The following AUTS2 variants were observed in gnomAD, a reference collection of about 807,000 sequenced individuals.
The protein encoded by AUTS2 is activator of transcription and developmental regulator AUTS2.
Under a neutral mutation model 112.4 loss-of-function variants are expected in AUTS2, and 17 were observed. The ratio of observed to expected loss-of-function variants is 0.15; its 90% CI spans 0.10 to 0.23. The LOEUF (loss-of-function observed/expected upper bound fraction) is 0.23, where lower values mean the gene tolerates loss of function less well. AUTS2 is among the 10% of genes least tolerant of loss of function. The pLI is 1.00. For missense variants in AUTS2, 1,510 were observed against 1,701.6 expected (o/e 0.89, Z 1.98); for synonymous variants, 751 against 702.7 (o/e 1.07, Z -1.09).
chr7:70,043,211 C>T (rs982967673), intron 2 of AUTS2, among the ~76,000 whole-genome samples: 2 of 152,052 alleles, frequency 1.3e-5, no homozygotes, highest in Non-Finnish European at 2.9e-5. Context: ...TAGCCAAGCT[C>T]GCCTCTTTGC....
At chr7:70,363,268 T>C (rs1427876403) in intron 4 of AUTS2, among the ~76,000 whole-genome samples, 1 of 152,180 alleles carries the variant, frequency 6.6e-6, no homozygotes, top group East Asian at 1.9e-4. Flanking sequence ...TAGATGACTA[T>C]TGGATTTCCT....
intron 2 of AUTS2, among the ~76,000 whole-genome samples, chr7:69,963,482 T>C (rs1226575375): frequency 1.3e-5 from 2 of 152,134 alleles, no homozygotes; most frequent in African/African-American, 4.8e-5. Context: ...TAATTAAGGC[T>C]CTATCATAGC....
At chr7:69,799,032 C>T (rs1000391685) in intron 1 of AUTS2, among the ~76,000 whole-genome samples, 2 of 151,622 alleles carry the variant, frequency 1.3e-5, no homozygotes, top group Non-Finnish European at 2.9e-5. Context: ...ATACACACCC[C>T]TCAATAAGGC....
intron 5 of AUTS2, among the ~76,000 whole-genome samples, chr7:70,461,095 C>T (rs1188059988): frequency 2.6e-5 from 4 of 152,126 alleles, no homozygotes; most frequent in African/African-American, 4.8e-5. Context: ...AGTTTGGTTT[C>T]ACGGAGGAAC....
chr7:70,659,864 A>G (rs893676145), intron 5 of AUTS2, among the ~76,000 whole-genome samples: 8 of 152,206 alleles, frequency 5.3e-5, no homozygotes, highest in African/African-American at 1.9e-4. Context: ...GGGCACATGC[A>G]GTCCCGGGCT....
intron 1 of AUTS2, among the ~76,000 whole-genome samples, chr7:69,815,137 C>T (rs1790701420): frequency 6.6e-6 from 1 of 152,136 alleles, no homozygotes; most frequent in African/African-American, 2.4e-5. Flanking sequence ...TGTGATAAGG[C>T]ATCAAAGACT....
chr7:69,892,330 C>T (rs1206307030), intron 1 of AUTS2, among the ~76,000 whole-genome samples: 1 of 151,750 alleles, frequency 6.6e-6, no homozygotes, highest in African/African-American at 2.4e-5. Flanking sequence ...TACCACCACA[C>T]CTAGCTAATT....
In AUTS2 at chr7:70,245,171, A is replaced by ATATAT. The variant is rs61292882; in HGVS notation, c.660+110600_660+110601insTATAT. Among the ~76,000 whole-genome samples, 934 of 129,446 alleles carry ATATAT rather than the reference A, an allele frequency of 7.2e-3. 4 individuals carry two copies. Among genetic ancestry groups the ATATAT allele is most frequent in the Middle Eastern group, 0.016 (4 of 256 alleles). The allele number at this position is 129,446 out of a possible 152,430, so 84.9% of individuals were successfully genotyped here. On this transcript the variant is annotated intron_variant, in intron 4 of 18. Transcript: ENST00000342771. Reference sequence around the variant, plus strand: ...ATATATATATATATATATATATATAAAAAATAAAAAATAAACAAAAATTAA... The same window carrying ATATAT: ...ATATATATATATATATATATATATAATATATAAAATAAAAAATAAACAAAAATTAA...
chr7:70,587,182 A>C (rs981044541), intron 5 of AUTS2, among the ~76,000 whole-genome samples: 9 of 152,002 alleles, frequency 5.9e-5, no homozygotes, highest in African/African-American at 2.2e-4. Flanking sequence ...GACTTGAGCA[A>C]CCCTCCCACC....
At chr7:69,729,663 T>G (rs1475526091) in intron 1 of AUTS2, among the ~76,000 whole-genome samples, 1 of 152,152 alleles carries the variant, frequency 6.6e-6, no homozygotes, top group Admixed American at 6.5e-5. Context: ...AAAGAACTTA[T>G]TTGTGCATAG....
At chr7:69,868,984 T>C (rs1364782903) in intron 1 of AUTS2, among the ~76,000 whole-genome samples, 1 of 152,300 alleles carries the variant, frequency 6.6e-6, no homozygotes, top group South Asian at 2.1e-4. Flanking sequence ...ATAATACACA[T>C]TGGGTCTTCT....
chr7:70,045,584 A>T (rs904949584), intron 2 of AUTS2, among the ~76,000 whole-genome samples: 1 of 150,796 alleles, frequency 6.6e-6, no homozygotes, highest in Non-Finnish European at 1.5e-5. Flanking sequence ...TGCAACTCAC[A>T]TTATTTTATT....
chr7:69,791,203 C>T (rs1789593196), intron 1 of AUTS2, among the ~76,000 whole-genome samples: 2 of 152,166 alleles, frequency 1.3e-5, no homozygotes, highest in South Asian at 2.1e-4. Context: ...TTTTTGTGTT[C>T]CCTCGACTGA....
chr7:70,739,003 CTTTTTTTTTTTTTTTTT>C (rs57525224), intron 6 of AUTS2, among the ~76,000 whole-genome samples: 9 of 57,308 alleles, frequency 1.6e-4, no homozygotes, highest in East Asian at 7.8e-4. Context: ...GTTTTGAGGC[CTTTTTTTTTTTTTTTTT>C]TTTTTTTTTT....
At chr7:70,658,331 C>A (rs938207138) in intron 5 of AUTS2, among the ~76,000 whole-genome samples, 7 of 152,172 alleles carry the variant, frequency 4.6e-5, no homozygotes, top group African/African-American at 1.7e-4. Context: ...AAGACCACTC[C>A]CCCCCAACAC....
intron 5 of AUTS2, among the ~76,000 whole-genome samples, chr7:70,455,444 C>T (rs1028063298): frequency 2.0e-4 from 30 of 152,050 alleles, no homozygotes; most frequent in African/African-American, 6.8e-4. Flanking sequence ...GTTAGCAAGC[C>T]AAATATGACC....
At chr7:70,558,361 T>C (rs1439555858) in intron 5 of AUTS2, among the ~76,000 whole-genome samples, 1 of 152,154 alleles carries the variant, frequency 6.6e-6, no homozygotes, top group Admixed American at 6.5e-5. Context: ...AGCTCTTCTC[T>C]CTCTCTGTGT....
chr7:69,734,875 T>C (rs575902468), intron 1 of AUTS2, among the ~76,000 whole-genome samples: 1 of 152,278 alleles, frequency 6.6e-6, no homozygotes, highest in South Asian at 2.1e-4. Flanking sequence ...ACATATTAAT[T>C]CCTTCCCATC....
At chr7:70,111,360 A>G (rs1805080443) in intron 2 of AUTS2, among the ~76,000 whole-genome samples, 1 of 152,200 alleles carries the variant, frequency 6.6e-6, no homozygotes, top group Non-Finnish European at 1.5e-5. Context: ...TTCTGGAGTA[A>G]GAAATTAAAC....
Sources: allele counts gnomAD v4.1 joint callset (sites outside exome capture counted in the v4.1 genomes callset), GRCh38; gene constraint gnomAD v4.1.1; transcripts MANE v1.5; gene names NCBI Gene and HGNC (gene_info 2026-07-23, HGNC 2026-07-21).